Variants in MGAT4C observed in about 807,000 individuals in gnomAD.
MGAT4C encodes alpha-1,3-mannosyl-glycoprotein 4-beta-N-acetylglucosaminyltransferase C.
A neutral mutation model predicts 40.1 loss-of-function variants in MGAT4C; 19 were observed. The observed-to-expected ratio is 0.47, with a 90% CI of 0.33 to 0.70. MGAT4C has a LOEUF of 0.70. Ranked by LOEUF, MGAT4C falls within the 30% of genes least tolerant of loss-of-function variation. MGAT4C has a pLI of 0.02. For synonymous variants in MGAT4C, 181 were observed against 187.1 expected (o/e 0.97, Z 0.27); for missense variants, 491 against 563.2 (o/e 0.87, Z 1.30).
intron 2 of MGAT4C, among the ~76,000 whole-genome samples, chr12:86,676,644 G>A (rs1470522882): frequency 6.6e-6 from 1 of 152,106 alleles, no homozygotes; most frequent in Non-Finnish European, 1.5e-5. Flanking sequence ...GGTAACCTGT[G>A]TAGATGAGTT....
At chr12:86,569,058 TAGAA>T (rs1304897064) in intron 2 of MGAT4C, among the ~76,000 whole-genome samples, 1 of 151,802 alleles carries the variant, frequency 6.6e-6, no homozygotes, top group African/African-American at 2.4e-5. Flanking sequence ...ATAAAACAAA[TAGAA>T]AGACACCTTT....
chr12:86,104,260 T>TAA (rs34925997), intron 1 of MGAT4C, among the ~76,000 whole-genome samples: 2 of 142,040 alleles, frequency 1.4e-5, no homozygotes, highest in Non-Finnish European at 3.1e-5. Flanking sequence ...CGTCTCTACT[T>TAA]AAAAAAAAAA....
chr12:86,772,199 T>A (rs1161446606), intron 1 of MGAT4C, among the ~76,000 whole-genome samples: 1 of 152,180 alleles, frequency 6.6e-6, no homozygotes, highest in African/African-American at 2.4e-5. Flanking sequence ...GAAGATGTGG[T>A]TATCCAGGAA....
intron 2 of MGAT4C, among the ~76,000 whole-genome samples, chr12:86,522,055 T>G (rs1342942270): frequency 1.1e-4 from 17 of 152,092 alleles, no homozygotes; most frequent in Admixed American, 1.1e-3. Context: ...CAAACCGGGA[T>G]AGTTTCACTT....
chr12:86,274,435 C>A (rs1225938511), intron 4 of MGAT4C, among the ~76,000 whole-genome samples: 1 of 151,986 alleles, frequency 6.6e-6, no homozygotes, highest in Non-Finnish European at 1.5e-5. Flanking sequence ...ATTGATAAAA[C>A]TGCCATTGTG....
At chr12:86,662,185 A>G (rs557775628) in intron 2 of MGAT4C, among the ~76,000 whole-genome samples, 2 of 152,184 alleles carry the variant, frequency 1.3e-5, no homozygotes, top group Non-Finnish European at 2.9e-5. Flanking sequence ...AAACGTCAGC[A>G]TGCTCAGAAA....
intron 2 of MGAT4C, among the ~76,000 whole-genome samples, chr12:86,677,931 T>C (rs1949898844): frequency 6.6e-6 from 1 of 152,156 alleles, no homozygotes; most frequent in African/African-American, 2.4e-5. Flanking sequence ...AGACATTCTC[T>C]AGTGTTCAGC....
chr12:86,682,858 T>G (rs1359364601), intron 2 of MGAT4C, among the ~76,000 whole-genome samples: 1 of 152,170 alleles, frequency 6.6e-6, no homozygotes, highest in Non-Finnish European at 1.5e-5. Context: ...TTTTAGGAGA[T>G]ATAAAGAATG....
intron 2 of MGAT4C, among the ~76,000 whole-genome samples, chr12:86,498,007 A>C (rs1430376016): frequency 6.8e-6 from 1 of 146,138 alleles, no homozygotes; most frequent in African/African-American, 2.5e-5. Context: ...TATATTATAT[A>C]ATCTTTTTTG....
chr12:86,370,998 C>A (rs1486130266), intron 3 of MGAT4C, among the ~76,000 whole-genome samples: 1 of 151,922 alleles, frequency 6.6e-6, no homozygotes, highest in Non-Finnish European at 1.5e-5. Flanking sequence ...AGCAGAGAGG[C>A]TGCAAGTTTA....
chr12:86,714,774 AAAGG>A (rs71445060), intron 2 of MGAT4C, among the ~76,000 whole-genome samples: 7,349 of 141,464 alleles, frequency 0.052, 208 homozygotes, highest in African/African-American at 0.059. Flanking sequence ...TGGAAGGGAA[AAAGG>A]AAGGAAGGAA....
At chr12:86,335,318 C>G (rs1213618666) in intron 3 of MGAT4C, among the ~76,000 whole-genome samples, 1 of 152,046 alleles carries the variant, frequency 6.6e-6, no homozygotes, top group African/African-American at 2.4e-5. Context: ...CTCTCTGCAC[C>G]TTGCTAGTTT....
Position 85,955,974 on chromosome 12 carries a change from G to T in MGAT4C, c.*23315C>A, listed in dbSNP as rs1032195931. 4.6e-5 allele frequency: 7 copies of T among 152,130 alleles called. No homozygotes were observed. Among genetic ancestry groups the T allele is most frequent in the African/African-American group, 1.4e-4 (6 of 41,428 alleles). 9.4% of individuals were successfully genotyped at this position (152,130 alleles called of 1,614,324 possible). On this transcript the variant is annotated 3_prime_UTR_variant, in exon 5 of 5. Coordinates refer to ENST00000611864, the MANE Select transcript of MGAT4C (RefSeq NM_001351288.2). ...ACTTGTTAGGGCACAGAGAATATTG[G>T]TATTTTTGATGAAATTAAGTCCATG...
chr12:86,634,208 CT>C (rs1299406366), intron 2 of MGAT4C, among the ~76,000 whole-genome samples: 1 of 152,090 alleles, frequency 6.6e-6, no homozygotes, highest in Admixed American at 6.6e-5. Flanking sequence ...ATTTTCTATA[CT>C]TGAAATCATG....
At chr12:86,380,063 T>A (rs1955900361) in intron 3 of MGAT4C, among the ~76,000 whole-genome samples, 2 of 152,126 alleles carry the variant, frequency 1.3e-5, no homozygotes, top group Non-Finnish European at 2.9e-5. Context: ...AGACTAGAAA[T>A]GAGTAGGACT....
At chr12:86,490,091 C>G (rs879598322) in intron 2 of MGAT4C, among the ~76,000 whole-genome samples, 1 of 151,952 alleles carries the variant, frequency 6.6e-6, no homozygotes, top group Non-Finnish European at 1.5e-5. Context: ...AGATACTCCT[C>G]GAGAAGAGCA....
intron 3 of MGAT4C, among the ~76,000 whole-genome samples, chr12:86,425,496 G>A (rs1033693258): frequency 9.9e-5 from 15 of 152,180 alleles, no homozygotes; most frequent in Admixed American, 3.3e-4. Flanking sequence ...GGCCTCTGCA[G>A]CCATGCAGAA....
At chr12:86,646,720 C>T (rs1415516083) in intron 2 of MGAT4C, among the ~76,000 whole-genome samples, 1 of 151,936 alleles carries the variant, frequency 6.6e-6, no homozygotes, top group Non-Finnish European at 1.5e-5. Flanking sequence ...ATGTTTCTCT[C>T]ATACCAGTGT....
chr12:86,622,823 C>T (rs766619231), intron 2 of MGAT4C, among the ~76,000 whole-genome samples: 1 of 151,740 alleles, frequency 6.6e-6, no homozygotes, highest in African/African-American at 2.4e-5. Context: ...AGAAACAAAT[C>T]TAAAAATGAC....
Sources: gnomAD v4.1 joint callset for allele counts (sites outside exome capture counted in the v4.1 genomes callset) on GRCh38, gnomAD v4.1.1 for gene constraint, MANE v1.5 for transcripts, NCBI Gene and HGNC (gene_info 2026-07-23, HGNC 2026-07-21) for gene names.